The following ADAMTS17 variants were observed in gnomAD, a reference collection of about 807,000 sequenced individuals.
ADAMTS17 encodes A disintegrin and metalloproteinase with thrombospondin motifs 17.
Under a neutral mutation model 141.5 loss-of-function variants are expected in ADAMTS17, and 113 were observed. The observed-to-expected ratio is 0.80, with a 90% CI of 0.69 to 0.93. ADAMTS17 has a LOEUF of 0.93. ADAMTS17 is among the 40% of genes least tolerant of loss of function. ADAMTS17 has a pLI of 0.00. For missense variants in ADAMTS17, 1,659 were observed against 1,517.9 expected (o/e 1.09, Z -1.54); for synonymous variants, 768 against 630.6 (o/e 1.22, Z -3.27).
chr15:99,985,499 C>T (rs1464274414), intron 20 of ADAMTS17, among the ~76,000 whole-genome samples: 2 of 152,172 alleles, frequency 1.3e-5, no homozygotes, highest in African/African-American at 2.4e-5. Flanking sequence ...AAAGTGTAAA[C>T]GACTGACTCA....
chr15:100,066,737 T>A (rs1383545), intron 15 of ADAMTS17, among the ~76,000 whole-genome samples: 1 of 150,130 alleles, frequency 6.7e-6, no homozygotes. Context: ...CCTTTCTAAG[T>A]GGCCCATCTG....
At chr15:100,233,966 C>G (rs1187640690) in intron 7 of ADAMTS17, among the ~76,000 whole-genome samples, 1 of 152,112 alleles carries the variant, frequency 6.6e-6, no homozygotes, top group Non-Finnish European at 1.5e-5. Flanking sequence ...TCTTCAGAAG[C>G]TGTTAGAAGA....
intron 7 of ADAMTS17, among the ~76,000 whole-genome samples, chr15:100,207,866 T>C (rs763309405): frequency 1.3e-5 from 2 of 152,124 alleles, no homozygotes; most frequent in Non-Finnish European, 2.9e-5. Flanking sequence ...ACTCACGTCA[T>C]TGGCCATTTC....
chr15:100,237,192 A>C (rs1227667210), intron 7 of ADAMTS17, among the ~76,000 whole-genome samples: 1 of 152,166 alleles, frequency 6.6e-6, no homozygotes, highest in Non-Finnish European at 1.5e-5. Flanking sequence ...GCCCAGCCTC[A>C]GCACCTTCAT....
At chr15:100,095,277 T>C (rs867696093) in intron 15 of ADAMTS17, among the ~76,000 whole-genome samples, 1 of 152,216 alleles carries the variant, frequency 6.6e-6, no homozygotes, top group Non-Finnish European at 1.5e-5. Context: ...TTTTTAAGTT[T>C]CATTTTGCAT....
At chr15:100,221,332 G>T (rs1277237100) in intron 7 of ADAMTS17, among the ~76,000 whole-genome samples, 1 of 151,040 alleles carries the variant, frequency 6.6e-6, no homozygotes, top group Non-Finnish European at 1.5e-5. Context: ...AGACTCTTGA[G>T]TCCCGCATAG....
In ADAMTS17 at chr15:100,289,537, CAT is replaced by C. The variant is rs1283215693; in HGVS notation, c.617-8138_617-8137del. 1.1e-3 allele frequency among the ~76,000 whole-genome samples: 147 copies of C among 134,380 alleles called. 1 individual carries two copies. Among genetic ancestry groups the C allele is most frequent in the East Asian group, 7.9e-3 (38 of 4,788 alleles). The allele number at this position is 134,380 out of a possible 152,430, so 88.2% of individuals were successfully genotyped here. A position where few individuals can be genotyped will look rare whatever the true frequency, so the allele number is the denominator to read the frequency against. ...AACCTTGCAGACACACACATACACA[CAT>C]ACACACACTCACACACACACACACA... On this transcript the variant is annotated intron_variant, in intron 3 of 21. Transcript: ENST00000268070.
In ADAMTS17 at chr15:100,091,386, A is replaced by T. The variant is rs113506283; in HGVS notation, c.2137+4970T>A. Reference sequence around the variant, plus strand: ...TTTCCCATTCCAGCTTCAGCCACCAAGCAGGAGAAATCCAGTTACAGGAAC... The same window carrying T: ...TTTCCCATTCCAGCTTCAGCCACCATGCAGGAGAAATCCAGTTACAGGAAC... On this transcript the variant is annotated intron_variant, in intron 15 of 21. Coordinates refer to ENST00000268070, the MANE Select transcript of ADAMTS17 (RefSeq NM_139057.4). Among the ~76,000 whole-genome samples the T allele has an allele frequency of 2.3e-3, 346 of 152,294 alleles. 2 individuals carry two copies. The highest frequency in any genetic ancestry group is 7.9e-3 in the African/African-American group (328 of 41,568).
intron 15 of ADAMTS17, among the ~76,000 whole-genome samples, chr15:100,063,261 A>G (rs1174575996): frequency 2.0e-5 from 3 of 152,182 alleles, no homozygotes; most frequent in Non-Finnish European, 4.4e-5. Flanking sequence ...TTCTTTTTCC[A>G]GCTAAGAAGT....
chr15:100,213,896 C>T (rs542741157), intron 7 of ADAMTS17, among the ~76,000 whole-genome samples: 2 of 152,326 alleles, frequency 1.3e-5, no homozygotes, highest in South Asian at 2.1e-4. Context: ...GTGCTGAGCC[C>T]CTATGTCAAA....
rs2031941675 is a variant in ADAMTS17, at chr15:100,049,102, C to T, written c.2456-110G>A. Reference sequence around the variant, plus strand: ...TGGGTGCTGCTGATGGTCACTTGGTCATTTAAAGTGACTGCTGTAAATGTC... The same window carrying T: ...TGGGTGCTGCTGATGGTCACTTGGTTATTTAAAGTGACTGCTGTAAATGTC... On this transcript the variant is annotated intron_variant, in intron 17 of 21. Transcript: ENST00000268070. The T allele has an allele frequency of 4.6e-6, 7 of 1,507,970 alleles. No homozygotes were observed. In the South Asian group the frequency reaches 5.7e-5, roughly 12 times the overall value. 93.4% of individuals were successfully genotyped at this position (1,507,970 alleles called of 1,614,324 possible).
At chr15:100,218,860 C>T (rs554664770) in intron 7 of ADAMTS17, among the ~76,000 whole-genome samples, 88 of 152,012 alleles carry the variant, frequency 5.8e-4, no homozygotes, top group African/African-American at 2.0e-3. Context: ...AGTAAACACG[C>T]ACACGTCCAC....
chr15:100,256,102 T>C (rs1398290025), intron 6 of ADAMTS17, among the ~76,000 whole-genome samples: 1 of 152,202 alleles, frequency 6.6e-6, no homozygotes, highest in Non-Finnish European at 1.5e-5. Flanking sequence ...CCTGGCTCTG[T>C]TCCATTCATT....
intron 18 of ADAMTS17, among the ~76,000 whole-genome samples, chr15:100,008,765 C>G (rs933396928): frequency 6.6e-6 from 1 of 152,224 alleles, no homozygotes; most frequent in African/African-American, 2.4e-5. Context: ...AAAACAGGCC[C>G]ACACCTACCC....
chr15:100,118,545 G>A (rs1482762018), intron 12 of ADAMTS17, among the ~76,000 whole-genome samples: 5 of 152,204 alleles, frequency 3.3e-5, no homozygotes, highest in Non-Finnish European at 7.3e-5. Context: ...GAGAACAGAG[G>A]GGCCTTGTGT....
At chr15:100,015,902 G>GA (rs1192717765) in intron 18 of ADAMTS17, among the ~76,000 whole-genome samples, 1 of 151,928 alleles carries the variant, frequency 6.6e-6, no homozygotes, top group Admixed American at 6.6e-5. Flanking sequence ...CTTGTATTTG[G>GA]ATGTCTAGGT....
chr15:100,204,127 A>G (rs1402604694), intron 7 of ADAMTS17, among the ~76,000 whole-genome samples: 1 of 152,098 alleles, frequency 6.6e-6, no homozygotes, highest in Admixed American at 6.6e-5. Flanking sequence ...TCAGTAGAAA[A>G]CTACATGATA....
At chr15:100,340,967 C>A (rs2141996690) in intron 2 of ADAMTS17, 72 bp downstream of exon 2, 4 of 1,509,736 alleles carry the variant, frequency 2.6e-6, no homozygotes, top group East Asian at 5.1e-5. Flanking sequence ...CGCCCCACCC[C>A]CACCCTCCAC....
At chr15:100,104,620 A>G (rs1480989617) in intron 14 of ADAMTS17, among the ~76,000 whole-genome samples, 6 of 152,186 alleles carry the variant, frequency 3.9e-5, no homozygotes, top group Admixed American at 2.0e-4. Flanking sequence ...GGGGAAAGAG[A>G]GGAAAACGCT....
Sources: allele counts gnomAD v4.1 joint callset (sites outside exome capture counted in the v4.1 genomes callset), GRCh38; gene constraint gnomAD v4.1.1; transcripts MANE v1.5; gene names NCBI Gene and HGNC (gene_info 2026-07-23, HGNC 2026-07-21).